Variants in CAMK1D observed in about 807,000 individuals in gnomAD.
The protein encoded by CAMK1D is calcium/calmodulin-dependent protein kinase type 1D.
A neutral mutation model predicts 47.7 loss-of-function variants in CAMK1D; 9 were observed. The ratio of observed to expected loss-of-function variants is 0.19; its 90% confidence interval spans 0.11 to 0.33. CAMK1D has a LOEUF of 0.33. Ranked by LOEUF, CAMK1D falls within the 10% of genes least tolerant of loss-of-function variation. The pLI is 1.00. For missense variants in CAMK1D, 291 were observed against 488.7 expected (o/e 0.60, Z 3.81); for synonymous variants, 184 against 184.9 (o/e 0.99, Z 0.04).
intron 1 of CAMK1D, among the ~76,000 whole-genome samples, chr10:12,448,886 G>A (rs568599198): frequency 5.3e-5 from 8 of 151,324 alleles, no homozygotes; most frequent in African/African-American, 1.9e-4. Context: ...GTAGGGCTCC[G>A]TGGTTTTGGT....
At chr10:12,434,836 A>G (rs921338693) in intron 1 of CAMK1D, among the ~76,000 whole-genome samples, 2 of 152,206 alleles carry the variant, frequency 1.3e-5, no homozygotes, top group Non-Finnish European at 2.9e-5. Context: ...TGTGGGAATC[A>G]TCCGTCTAGA....
Position 12,745,063 on chromosome 10 carries a change from C to T in CAMK1D, c.300-15885C>T, listed in dbSNP as rs112287470. ...TCTGGACTCCCTCATTGAACAGTCT[C>T]GCCATCGTCCAGGCTGGAGCGCAAT... On this transcript the variant is annotated intron_variant, in intron 3 of 10. Transcript: ENST00000619168. 5.6e-4 allele frequency among the ~76,000 whole-genome samples: 85 copies of T among 152,370 alleles called. 2 individuals are homozygous for T. Among genetic ancestry groups the T allele is most frequent in the African/African-American group, 1.9e-3 (77 of 41,592 alleles).
chr10:12,376,202 A>G (rs1838176911), intron 1 of CAMK1D, among the ~76,000 whole-genome samples: 1 of 151,210 alleles, frequency 6.6e-6, no homozygotes, highest in Non-Finnish European at 1.5e-5. Flanking sequence ...AAAAAGAATA[A>G]GATGTCTATG....
intron 1 of CAMK1D, among the ~76,000 whole-genome samples, chr10:12,380,628 C>A (rs181644216): frequency 5.9e-5 from 9 of 152,218 alleles, no homozygotes; most frequent in African/African-American, 2.2e-4. Flanking sequence ...GAGGCCAAGG[C>A]GGGCGGATCA....
chr10:12,827,620 C>CTCCTCTG (rs1833300802), intron 10 of CAMK1D, among the ~76,000 whole-genome samples: 1 of 51,870 alleles, frequency 1.9e-5, no homozygotes, highest in Non-Finnish European at 4.1e-5. Context: ...CCCCTCCTCT[C>CTCCTCTG]TCCTCTCTCC....
chr10:12,647,271 C>A (rs551461341), intron 2 of CAMK1D, among the ~76,000 whole-genome samples: 1 of 150,626 alleles, frequency 6.6e-6, no homozygotes, highest in East Asian at 2.0e-4. Flanking sequence ...GACTCAGCCT[C>A]CCGAGTAGCT....
At chr10:12,773,128 C>G (rs1215456224) in intron 5 of CAMK1D, among the ~76,000 whole-genome samples, 1 of 152,202 alleles carries the variant, frequency 6.6e-6, no homozygotes, top group African/African-American at 2.4e-5. Context: ...CAATCTGTGT[C>G]TCTCACTGCA....
At chr10:12,363,166 C>T (rs1837729121) in intron 1 of CAMK1D, among the ~76,000 whole-genome samples, 2 of 151,382 alleles carry the variant, frequency 1.3e-5, no homozygotes, top group South Asian at 2.1e-4. Flanking sequence ...GTCTTGAACT[C>T]TTGATCTCAC....
At chr10:12,383,006 T>A (rs1838386914) in intron 1 of CAMK1D, among the ~76,000 whole-genome samples, 1 of 151,956 alleles carries the variant, frequency 6.6e-6, no homozygotes, top group Non-Finnish European at 1.5e-5. Context: ...CAGCTAGTAA[T>A]GGACAGATCT....
At chr10:12,483,008 A>G (rs1352490028) in intron 1 of CAMK1D, among the ~76,000 whole-genome samples, 1 of 152,042 alleles carries the variant, frequency 6.6e-6, no homozygotes, top group Non-Finnish European at 1.5e-5. Context: ...AAGAGATAAT[A>G]TGGTTAGAAA....
chr10:12,468,989 T>C (rs994577337), intron 1 of CAMK1D, among the ~76,000 whole-genome samples: 1 of 152,054 alleles, frequency 6.6e-6, no homozygotes, highest in African/African-American at 2.4e-5. Flanking sequence ...GCAGTCTACA[T>C]AGCGTCCTGC....
intron 2 of CAMK1D, among the ~76,000 whole-genome samples, chr10:12,621,988 G>A (rs1033454476): frequency 2.0e-5 from 3 of 152,138 alleles, no homozygotes; most frequent in African/African-American, 4.8e-5. Flanking sequence ...TCACCTGCTC[G>A]GGGAGCTCCT....
At chr10:12,629,328 A>G (rs912451646) in intron 2 of CAMK1D, among the ~76,000 whole-genome samples, 2 of 152,238 alleles carry the variant, frequency 1.3e-5, no homozygotes, top group African/African-American at 2.4e-5. Context: ...TTCTAAAACT[A>G]TGACTATGCA....
At chr10:12,689,443 T>G (rs996721618) in intron 3 of CAMK1D, among the ~76,000 whole-genome samples, 1 of 152,216 alleles carries the variant, frequency 6.6e-6, no homozygotes. Context: ...CAGGTAAAAG[T>G]ACCCGTGAAG....
At chr10:12,621,294 A>G (rs1034116149) in intron 2 of CAMK1D, among the ~76,000 whole-genome samples, 3 of 152,196 alleles carry the variant, frequency 2.0e-5, no homozygotes. Flanking sequence ...TTTTAGAATA[A>G]TCTCACTCAT....
chr10:12,374,647 GA>G (rs1378922412), intron 1 of CAMK1D, among the ~76,000 whole-genome samples: 1 of 151,886 alleles, frequency 6.6e-6, no homozygotes, highest in Non-Finnish European at 1.5e-5. Flanking sequence ...TCTTTTTTTA[GA>G]AATATTTCTG....
chr10:12,600,348 C>T (rs1434009895), intron 2 of CAMK1D, among the ~76,000 whole-genome samples: 1 of 152,126 alleles, frequency 6.6e-6, no homozygotes, highest in Non-Finnish European at 1.5e-5. Flanking sequence ...ACAATGGGCC[C>T]TACGTTTTCA....
chr10:12,520,507 C>T (rs992166491), intron 1 of CAMK1D, among the ~76,000 whole-genome samples: 1 of 60,214 alleles, frequency 1.7e-5, no homozygotes, highest in Non-Finnish European at 3.3e-5. Flanking sequence ...CAGAGACGCT[C>T]CTCACTTCCC....
Position 12,553,447 on chromosome 10 carries a change from G to C in CAMK1D, c.224+91G>C, listed in dbSNP as rs1397294207. 1.2e-5 allele frequency: 13 copies of C among 1,066,404 alleles called. No individual in the cohort carries two copies. The Admixed American group carries it at 2.5e-4, about 21-fold the overall frequency. The allele number at this position is 1,066,404 out of a possible 1,614,324, so 66.1% of individuals were successfully genotyped here. On this transcript the variant is annotated intron_variant, in intron 2 of 10. Coordinates refer to ENST00000619168, the MANE Select transcript of CAMK1D (RefSeq NM_153498.4). Reference sequence around the variant, plus strand: ...TGCCCCGGAGGCAGACTTTCCCCGGGGGCAGAGGGGCCCCCAGAGGACCCA... The same window carrying C: ...TGCCCCGGAGGCAGACTTTCCCCGGCGGCAGAGGGGCCCCCAGAGGACCCA...
Sources: gnomAD v4.1 joint callset for allele counts (sites outside exome capture counted in the v4.1 genomes callset) on GRCh38, gnomAD v4.1.1 for gene constraint, MANE v1.5 for transcripts, NCBI Gene and HGNC (gene_info 2026-07-23, HGNC 2026-07-21) for gene names.